Variants in RARB observed in about 807,000 individuals in gnomAD.
RARB encodes retinoic acid receptor beta.
A neutral mutation model predicts 51.9 loss-of-function variants in RARB; 17 were observed. The observed-to-expected ratio is 0.33, with a 90% confidence interval of 0.22 to 0.49. RARB has a LOEUF of 0.49. Among genes scored for constraint, RARB ranks in the 20% least tolerant of loss-of-function variants. RARB has a pLI of 0.99. For synonymous variants in RARB, 215 were observed against 195.4 expected (o/e 1.10, Z -0.84); for missense variants, 369 against 550.8 (o/e 0.67, Z 3.30).
chr3:25,534,574 G>T (rs1430365517), intron 3 of RARB, among the ~76,000 whole-genome samples: 1 of 152,122 alleles, frequency 6.6e-6, no homozygotes, highest in Non-Finnish European at 1.5e-5. Context: ...CTTATCAGTG[G>T]CTTTCCTGGG....
chr3:25,358,000 T>C (rs1705804523), intron 5 of RARB, among the ~76,000 whole-genome samples: 1 of 152,204 alleles, frequency 6.6e-6, no homozygotes, highest in African/African-American at 2.4e-5. Context: ...GGCTCCTTTT[T>C]GGTTCCAAAT....
intron 2 of RARB, among the ~76,000 whole-genome samples, chr3:24,984,429 G>C (rs1696743645): frequency 1.3e-5 from 2 of 152,180 alleles, no homozygotes; most frequent in Admixed American, 6.5e-5. Flanking sequence ...AGAAAATAAA[G>C]TGTGGGTGGG....
At chr3:25,320,871 A>C (rs185578229) in intron 5 of RARB, among the ~76,000 whole-genome samples, 2 of 152,314 alleles carry the variant, frequency 1.3e-5, no homozygotes, top group East Asian at 3.9e-4. Context: ...CAAAGCCTCA[A>C]TGTTCATCAC....
intron 2 of RARB, among the ~76,000 whole-genome samples, chr3:25,482,730 G>A (rs1414598933): frequency 4.0e-5 from 6 of 151,212 alleles, no homozygotes; most frequent in Non-Finnish European, 7.4e-5. Context: ...TAGTAGAGAC[G>A]GGGTTTCACC....
chr3:24,944,234 C>T (rs2125401838), intron 2 of RARB, among the ~76,000 whole-genome samples: 1 of 152,270 alleles, frequency 6.6e-6, no homozygotes, highest in East Asian at 1.9e-4. Context: ...ATCTGTCTGG[C>T]CTTCTCATTT....
At chr3:24,933,716 T>G (rs12330318) in intron 2 of RARB, among the ~76,000 whole-genome samples, 68,040 of 151,966 alleles carry the variant, frequency 0.45, 15,719 homozygotes, top group East Asian at 0.54. Flanking sequence ...TTTAACAATT[T>G]TTAAAGCAAT....
chr3:25,141,274 A>G (rs540267175), intron 4 of RARB, among the ~76,000 whole-genome samples: 61 of 152,202 alleles, frequency 4.0e-4, no homozygotes, highest in South Asian at 3.1e-3. Flanking sequence ...ACTGACAAAC[A>G]TACATTCTAC....
rs188422022 is a variant in RARB at position 25,275,404 on chromosome 3, T to C, written c.178+100829T>C. Among the ~76,000 whole-genome samples, 858 of 152,242 alleles carry C rather than the reference T, an allele frequency of 5.6e-3. 13 individuals are homozygous for C. Among genetic ancestry groups the C allele is most frequent in the African/African-American group, 0.02 (815 of 41,550 alleles). On this transcript the variant is annotated intron_variant, in intron 5 of 11. Coordinates refer to the RARB transcript ENST00000383772. ...TGAGCCTGGGAGGTGGAAGCTGCAG[T>C]GAGCCGTGATTGGGCCACTGCACTC...
At chr3:25,331,640 C>G (rs993855906) in intron 5 of RARB, among the ~76,000 whole-genome samples, 1 of 152,076 alleles carries the variant, frequency 6.6e-6, no homozygotes, top group African/African-American at 2.4e-5. Flanking sequence ...CAGACACATT[C>G]AAAAGCTAGC....
chr3:25,242,667 A>G (rs1702461720), intron 5 of RARB, among the ~76,000 whole-genome samples: 1 of 151,998 alleles, frequency 6.6e-6, no homozygotes, highest in Non-Finnish European at 1.5e-5. Flanking sequence ...ATTGGTCTAT[A>G]TATCTGTTTT....
Position 25,058,686 on chromosome 3 carries a change from A to G in RARB, c.-379-1439A>G, listed in dbSNP as rs1019981861. Among the ~76,000 whole-genome samples the G allele has an allele frequency of 6.6e-5, 10 of 151,830 alleles. No homozygotes were observed. The South Asian group carries it at 1.7e-3, about 25-fold the overall frequency. The stretch of plus-strand genomic sequence containing the variant: ...TGTATTATTTTCTTTATTGTTCACT[A>G]TTACTAATTTAATTTTCTCCTATAA... On this transcript the variant is annotated intron_variant, in intron 2 of 11. Transcript: ENST00000383772.
At chr3:25,304,912 T>C (rs545403965) in intron 5 of RARB, among the ~76,000 whole-genome samples, 2 of 152,316 alleles carry the variant, frequency 1.3e-5, no homozygotes, top group African/African-American at 4.8e-5. Flanking sequence ...TTATTTATAA[T>C]AATAACAGCA....
At chr3:24,906,844 C>CAAAAAAAAAA (rs397875286) in intron 2 of RARB, among the ~76,000 whole-genome samples, 2 of 76,038 alleles carry the variant, frequency 2.6e-5, no homozygotes, top group Non-Finnish European at 5.1e-5. Flanking sequence ...GATTCCGTCT[C>CAAAAAAAAAA]AAAAAAAAAA....
At chr3:25,151,577 T>A (rs1700287733) in intron 4 of RARB, among the ~76,000 whole-genome samples, 1 of 152,196 alleles carries the variant, frequency 6.6e-6, no homozygotes, top group South Asian at 2.1e-4. Flanking sequence ...AGTAATTGCT[T>A]AGGAGATTGG....
At chr3:25,202,218 G>T (rs911351570) in intron 5 of RARB, among the ~76,000 whole-genome samples, 1 of 152,114 alleles carries the variant, frequency 6.6e-6, no homozygotes, top group Non-Finnish European at 1.5e-5. Context: ...TAGTTTATTT[G>T]CGTAGAGGTG....
chr3:25,284,341 G>A (rs1575282711), intron 5 of RARB, among the ~76,000 whole-genome samples: 1 of 152,104 alleles, frequency 6.6e-6, no homozygotes, highest in East Asian at 1.9e-4. Context: ...TTCCTGACCT[G>A]AAGAAACTAT....
chr3:25,110,470 C>G (rs1042827513), intron 3 of RARB, among the ~76,000 whole-genome samples: 7 of 152,168 alleles, frequency 4.6e-5, no homozygotes, highest in African/African-American at 1.7e-4. Flanking sequence ...TTACTTTTTC[C>G]TGCATTTCAG....
intron 4 of RARB, among the ~76,000 whole-genome samples, chr3:25,161,609 C>G (rs1330479765): frequency 1.3e-5 from 2 of 152,200 alleles, no homozygotes; most frequent in Non-Finnish European, 2.9e-5. Flanking sequence ...TTCTCTTCCA[C>G]TGGCTCACAA....
intron 5 of RARB, among the ~76,000 whole-genome samples, chr3:25,211,751 A>T (rs1028459444): frequency 6.6e-6 from 1 of 152,230 alleles, no homozygotes; most frequent in African/African-American, 2.4e-5. Context: ...AAGCAGCCAT[A>T]AACAATATAT....
Sources: gnomAD v4.1 joint callset for allele counts (sites outside exome capture counted in the v4.1 genomes callset) on GRCh38, gnomAD v4.1.1 for gene constraint, MANE v1.5 for transcripts, NCBI Gene and HGNC (gene_info 2026-07-23, HGNC 2026-07-21) for gene names.